The following ZNF367 variants were observed in gnomAD, a reference collection of about 807,000 sequenced individuals.
ZNF367 encodes C2H2 zinc finger protein ZFF29.
In ZNF367, 11 loss-of-function variants were observed where a neutral mutation model predicts 31.8. The observed-to-expected ratio is 0.35, with a 90% CI of 0.22 to 0.57. The LOEUF is 0.57. Ranked by LOEUF, ZNF367 falls within the 20% of genes least tolerant of loss-of-function variation. The pLI is 0.85. For synonymous variants in ZNF367, 199 were observed against 202.4 expected (o/e 0.98, Z 0.14); for missense variants, 353 against 484.1 (o/e 0.73, Z 2.54).
chr9:96,401,914 AC>A lies in ZNF367; in HGVS notation c.421-3601del, dbSNP rs1270922648. ...CTCAGGAGGCTGAGGCAGGAGGATC[AC>A]TTGAGCCCAGGAGTTCAAGGCTATA... On this transcript the variant is annotated intron_variant, in intron 1 of 4. Coordinates refer to ENST00000375256, the MANE Select transcript of ZNF367 (RefSeq NM_153695.4). Among the ~76,000 whole-genome samples the A allele has an allele frequency of 5.3e-5, 8 of 151,848 alleles. No individual in the cohort carries two copies. The East Asian group carries it at 1.5e-3, about 29-fold the overall frequency.
At chr9:96,395,894 T>G (rs879316133) in intron 2 of ZNF367, among the ~76,000 whole-genome samples, 4 of 152,184 alleles carry the variant, frequency 2.6e-5, no homozygotes, top group Non-Finnish European at 5.9e-5. Flanking sequence ...GAAAAAAACA[T>G]TATTTAATCA....
At chr9:96,392,585 T>C (rs757320238) in intron 3 of ZNF367, 49 bp from the exon 4 acceptor site, 2 of 1,541,892 alleles carry the variant, frequency 1.3e-6, no homozygotes, top group Admixed American at 2.0e-5. Flanking sequence ...ATCCAGCACA[T>C]AGACATGTGG....
Position 96,387,974 on chromosome 9 carries a change from A to C in ZNF367, c.*263T>G. The C allele has an allele frequency of 2.7e-6, 1 of 372,422 alleles. No individual in the cohort carries two copies. The highest frequency in any genetic ancestry group is 4.7e-6 in the Non-Finnish European group (1 of 210,684). 23.1% of individuals were successfully genotyped at this position (372,422 alleles called of 1,614,324 possible). A position where few individuals can be genotyped will look rare whatever the true frequency, so the allele number is the denominator to read the frequency against. ...TGAATGCATTAAACTTGCAAAATCT[A>C]GCTTCCCACAATATGTAGTTTTCTA... On this transcript the variant is annotated 3_prime_UTR_variant, in exon 5 of 5. Coordinates refer to ENST00000375256, the MANE Select transcript of ZNF367 (RefSeq NM_153695.4).
chr9:96,405,872 T>A (rs1831666046), intron 1 of ZNF367, among the ~76,000 whole-genome samples: 1 of 152,208 alleles, frequency 6.6e-6, no homozygotes, highest in South Asian at 2.1e-4. Context: ...CTTAGAACAT[T>A]ATGAATGTAC....
At position 96,392,585 on chromosome 9, in the gene ZNF367, T is replaced by G. The variant is rs757320238; in HGVS notation, c.692-49A>C. ...TGTCAGGATCTGGACATCCAGCACA[T>G]AGACATGTGGAAAACATTCAGTTTC... On this transcript the variant is annotated intron_variant, in intron 3 of 4. Transcript: ENST00000375256. 3.0e-5 allele frequency: 47 copies of G among 1,541,774 alleles called. No individual in the cohort carries two copies. In the Admixed American group the frequency reaches 5.9e-4, roughly 19 times the overall value.
chr9:96,411,388 A>T (rs541283194), intron 1 of ZNF367, among the ~76,000 whole-genome samples: 5 of 151,974 alleles, frequency 3.3e-5, no homozygotes, highest in Admixed American at 3.3e-4. Flanking sequence ...TCTACAAAAA[A>T]AAAAAAGGCC....
chr9:96,417,683 G>T lies in ZNF367; in HGVS notation c.350C>A (p.Ser117Ter). 1 of 1,119,970 alleles carries T rather than the reference G, an allele frequency of 8.9e-7. No individual in the cohort carries two copies. Among genetic ancestry groups the T allele is most frequent in the Non-Finnish European group, 1.1e-6 (1 of 894,700 alleles). 69.4% of individuals were successfully genotyped at this position (1,119,970 alleles called of 1,614,324 possible). A position where few individuals can be genotyped will look rare whatever the true frequency, so the allele number is the denominator to read the frequency against. Residue 117 changes from serine to a stop codon, truncating the protein, a stop_gained, in exon 1 of 5, where the codon TCG (serine) becomes TAG (stop). Transcript: ENST00000375256. LOFTEE classifies it high-confidence loss of function. This position sits in a 1 kb window ranked among gnomAD's most constrained non-coding sequence, Gnocchi z 5.0. ...RGRGAPPPAASASAAASGGED... is the reference protein window; with the variant it reads ...RGRGAPPPAA ...ACCTCCCGAGGCGGCGGCGGAGGCC[G>T]AGGCGGCGGGCGGGGGCGCGCCCCG...
intron 4 of ZNF367, among the ~76,000 whole-genome samples, chr9:96,388,948 G>A (rs1363740597): frequency 6.6e-6 from 1 of 152,142 alleles, no homozygotes; most frequent in Non-Finnish European, 1.5e-5. Flanking sequence ...CTGTTACATG[G>A]CCAACTGATA....
chr9:96,398,261 A>G lies in ZNF367; in HGVS notation c.474T>C (p.Asn158=), dbSNP rs1831559359. 6.2e-7 allele frequency: 1 copy of G among 1,613,698 alleles called. No homozygotes were observed. Among genetic ancestry groups the G allele is most frequent in the Admixed American group, 1.7e-5 (1 of 59,972 alleles). ...TTCTGCTGGATGAATGCTCTCCTTCATTTATTAAATCGCGGACAGTATCTG... is the reference window on the plus strand; with the variant it reads ...TTCTGCTGGATGAATGCTCTCCTTCGTTTATTAAATCGCGGACAGTATCTG... ...PRADTVRDLI[N]EGEHSSSRIR... The change falls in exon 2 of 5, where the codon AAT becomes AAC. Residue 158 remains asparagine, a synonymous_variant. Transcript: ENST00000375256.
intron 1 of ZNF367, among the ~76,000 whole-genome samples, chr9:96,403,335 A>G (rs1831632978): frequency 6.6e-6 from 1 of 152,200 alleles, no homozygotes; most frequent in African/African-American, 2.4e-5. Context: ...ATACCTTGAC[A>G]CAAATAATAC....
chr9:96,403,922 G>A (rs1160016420), intron 1 of ZNF367, among the ~76,000 whole-genome samples: 4 of 152,306 alleles, frequency 2.6e-5, no homozygotes, highest in South Asian at 2.1e-4. Context: ...AGCTGGACAC[G>A]GTAGCCCATG....
At chr9:96,391,897 A>G (rs890890639) in intron 4 of ZNF367, among the ~76,000 whole-genome samples, 35 of 152,058 alleles carry the variant, frequency 2.3e-4, no homozygotes, top group African/African-American at 6.8e-4. Context: ...TTCTGCCTCA[A>G]TCTCCCGAAT....
chr9:96,392,630 A>C lies in ZNF367; in HGVS notation c.692-94T>G, dbSNP rs1157360636. 3.4e-6 allele frequency: 5 copies of C among 1,479,948 alleles called. No individual in the cohort carries two copies. The African/African-American group carries it at 7.0e-5, about 21-fold the overall frequency. The allele number at this position is 1,479,948 out of a possible 1,614,324, so 91.7% of individuals were successfully genotyped here. Reference sequence around the variant, plus strand: ...AGTTTCACTGGTATCCAGAAAAGTAAATTAATATGGTGAAATTTAGGATCT... The same window carrying C: ...AGTTTCACTGGTATCCAGAAAAGTACATTAATATGGTGAAATTTAGGATCT... On this transcript the variant is annotated intron_variant, in intron 3 of 4. Transcript: ENST00000375256.
At chr9:96,402,502 G>A (rs73536951) in intron 1 of ZNF367, among the ~76,000 whole-genome samples, 5 of 138,546 alleles carry the variant, frequency 3.6e-5, no homozygotes, top group African/African-American at 1.4e-4. Context: ...GCCCAGGCTG[G>A]AGTGCAGTGA....
At chr9:96,402,837 T>C (rs1486390275) in intron 1 of ZNF367, among the ~76,000 whole-genome samples, 1 of 151,966 alleles carries the variant, frequency 6.6e-6, no homozygotes, top group Non-Finnish European at 1.5e-5. Flanking sequence ...TTCTCCAACA[T>C]AGACCATACG....
rs1831842948 is a variant in ZNF367 at position 96,417,317 on chromosome 9, C to T, written c.420+296G>A. Among the ~76,000 whole-genome samples the T allele has an allele frequency of 6.6e-6, 1 of 152,228 alleles. No individual in the cohort carries two copies. Among genetic ancestry groups the T allele is most frequent in the East Asian group, 1.9e-4 (1 of 5,162 alleles). The stretch of plus-strand genomic sequence containing the variant: ...TCTCGGAACTGAGGACTCGGCAGCC[C>T]GCCGGGAGGATGTCAGTGGCCGTTG... On this transcript the variant is annotated intron_variant, in intron 1 of 4. Coordinates refer to ENST00000375256, the MANE Select transcript of ZNF367 (RefSeq NM_153695.4). This position sits in a 1 kb window ranked among gnomAD's most constrained non-coding sequence, Gnocchi z 5.0.
intron 1 of ZNF367, among the ~76,000 whole-genome samples, chr9:96,415,305 G>C (rs949278303): frequency 2.7e-5 from 4 of 146,890 alleles, no homozygotes; most frequent in Non-Finnish European, 4.5e-5. Context: ...CTGACCTTGT[G>C]ATCCGCCTGC....
intron 1 of ZNF367, among the ~76,000 whole-genome samples, chr9:96,413,323 C>T (rs929134229): frequency 6.6e-6 from 1 of 152,202 alleles, no homozygotes; most frequent in African/African-American, 2.4e-5. Context: ...ATAGTGCCTA[C>T]TATGTTAACA....
At chr9:96,416,394 G>A (rs1442648315) in intron 1 of ZNF367, among the ~76,000 whole-genome samples, 2 of 152,166 alleles carry the variant, frequency 1.3e-5, no homozygotes, top group Non-Finnish European at 2.9e-5. Context: ...CCCAGGTTCT[G>A]TTCTTTCAAA....
Sources: gnomAD v4.1 joint callset for allele counts (sites outside exome capture counted in the v4.1 genomes callset) on GRCh38, gnomAD v4.1.1 for gene constraint, Gnocchi (gnomAD v3.1) non-coding constraint, MANE v1.5 for transcripts, NCBI Gene and HGNC (gene_info 2026-07-23, HGNC 2026-07-21) for gene names.